ABLIM1: variants seen among roughly 807,000 people sequenced by gnomAD.
The protein encoded by ABLIM1 is actin binding LIM protein 1, also known as actin-binding LIM protein 1.
Under a neutral mutation model 107.0 loss-of-function variants are expected in ABLIM1, and 40 were observed. That is an observed-to-expected ratio of 0.37 (90% CI 0.29 to 0.49). The LOEUF (loss-of-function observed/expected upper bound fraction) is 0.49. Among genes scored for constraint, ABLIM1 ranks in the 20% least tolerant of loss-of-function variants. ABLIM1 has a pLI of 0.97. For missense variants in ABLIM1, 857 were observed against 1,008.5 expected, an observed-to-expected ratio of 0.85 and a Z score of 2.04; for synonymous variants, 357 against 357.3, an observed-to-expected ratio of 1.00 and a Z score of 0.01.
At chr10:114,690,199 T>C in intron 1 of ABLIM1, 2 of 1,418,454 alleles carry the variant, frequency 1.4e-6, no homozygotes, top group Admixed American at 1.7e-5. Flanking sequence ...TTTCCATTCC[T>C]GGACCCAAAG....
In ABLIM1 at chr10:114,437,892, G is replaced by A; in HGVS notation, c.2175C>T (p.Asn725=). The change falls in exon 22 of 23, where the codon AAC becomes AAT. Residue 725 remains asparagine (N), a synonymous_variant. Coordinates refer to ENST00000533213, the MANE Select transcript of ABLIM1 (RefSeq NM_002313.7). ...IFPYEMLMVT[N]RGRNKILREV... is the part of the protein sequence containing the mutation. ...CTCTGAGGATTTTGTTTCGCCCTCT[G>A]TTGGTCACCATGAGCATTTCATATG... The A allele has an allele frequency of 6.2e-7, 1 of 1,614,084 alleles. No homozygotes were observed. The highest frequency in any genetic ancestry group is 8.5e-7 in the Non-Finnish European group (1 of 1,180,006).
intron 19 of ABLIM1, 112 bp downstream of exon 19, chr10:114,440,905 T>C (rs1008742808): frequency 1.9e-6 from 2 of 1,055,948 alleles, no homozygotes; most frequent in African/African-American, 3.1e-5. Context: ...ACAGATGTGA[T>C]CCTACTCTAA....
chr10:114,578,039 C>T (rs1477624288), intron 2 of ABLIM1, among the ~76,000 whole-genome samples: 1 of 152,172 alleles, frequency 6.6e-6, no homozygotes, highest in Non-Finnish European at 1.5e-5. Context: ...GTCTCAGTGG[C>T]CAGGCCCCTA....
intron 18 of ABLIM1, 117 bp from the exon 19 acceptor site, chr10:114,441,194 C>A (rs927895684): frequency 7.9e-6 from 9 of 1,133,970 alleles, no homozygotes; most frequent in Non-Finnish European, 1.1e-5. Context: ...AAATGTCAGA[C>A]CTTCATTTTT....
At chr10:114,587,536 A>G (rs2074328257) in intron 2 of ABLIM1, among the ~76,000 whole-genome samples, 1 of 152,192 alleles carries the variant, frequency 6.6e-6, no homozygotes, top group Non-Finnish European at 1.5e-5. Context: ...TTGAAAGGGA[A>G]TAATGTTATT....
intron 6 of ABLIM1, among the ~76,000 whole-genome samples, chr10:114,537,121 G>A (rs2066125028): frequency 6.6e-6 from 1 of 152,036 alleles, no homozygotes; most frequent in Non-Finnish European, 1.5e-5. Context: ...TTATATCAAG[G>A]GGCAAATTAT....
At chr10:114,776,186 T>G in the ABLIM1 span, 1 of 151,902 alleles carries the variant, frequency 6.6e-6, no homozygotes. Flanking sequence ...TAGCGACATC[T>G]TTTTCTTTTT....
intron 8 of ABLIM1, among the ~76,000 whole-genome samples, chr10:114,484,920 T>C (rs1247556146): frequency 1.3e-5 from 2 of 152,188 alleles, no homozygotes; most frequent in African/African-American, 4.8e-5. Context: ...CTGGGATGGG[T>C]TTCTGTACCA....
At chr10:114,658,402 A>G (rs999773891), upstream of ABLIM1, 2 of 963,974 alleles carry the variant, frequency 2.1e-6, no homozygotes, top group African/African-American at 1.6e-5. Flanking sequence ...TAGGTATAAA[A>G]ACAGCCACTA....
chr10:114,680,472 T>C (rs1246442109), intron 1 of ABLIM1, among the ~76,000 whole-genome samples: 3 of 152,228 alleles, frequency 2.0e-5, no homozygotes, highest in Non-Finnish European at 4.4e-5. Flanking sequence ...TTAAAATCAC[T>C]TTGAAATTTA....
intron 1 of ABLIM1, among the ~76,000 whole-genome samples, chr10:114,645,935 T>A (rs2078993945): frequency 6.6e-6 from 1 of 152,222 alleles, no homozygotes; most frequent in African/African-American, 2.4e-5. Flanking sequence ...TTACATGGGC[T>A]CTCTTTTTAC....
chr10:114,436,269 T>G lies in ABLIM1; in HGVS notation c.2328A>C (p.Lys776Asn). ...WRRNDMKKKAKLF is the reference protein window; with the variant it reads ...WRRNDMKKKANLF The stretch of plus-strand genomic sequence containing the variant: ...CATTCACGAGTGGGACTTAGAAGAG[T>G]TTTGCTTTTTTCTTCATGTCGTTGC... Residue 776 changes from lysine to asparagine, a missense_variant, in exon 23 of 23, where the codon AAA becomes AAC. Around this residue, in one of 5 missense-constraint regions of ABLIM1, gnomAD observed 193 missense variants for 208.5 expected, o/e 0.93. Transcript: ENST00000533213. 6.2e-7 allele frequency: 1 copy of G among 1,612,386 alleles called. No individual in the cohort carries two copies. The highest frequency in any genetic ancestry group is 8.5e-7 in the Non-Finnish European group (1 of 1,178,860).
rs1309142942 is a variant in ABLIM1 at position 114,465,740 on chromosome 10, T to TGTA, written c.1396_1398dup (p.Tyr466dup). 6.2e-7 allele frequency: 1 copy of TGTA among 1,613,830 alleles called. No individual in the cohort carries two copies. Among genetic ancestry groups the TGTA allele is most frequent in the Non-Finnish European group, 8.5e-7 (1 of 1,180,000 alleles). On this transcript the variant is annotated inframe_insertion, in exon 12 of 23. Transcript: ENST00000533213. ...TGGGGAGAGCGGGACGTGGTTGGAG[T>TGTA]GTAGCTGTGGCGGCTGTACACAGGG...
chr10:114,713,845 C>T (rs1016985867), intron 1 of ABLIM1, among the ~76,000 whole-genome samples: 4 of 152,202 alleles, frequency 2.6e-5, no homozygotes, highest in African/African-American at 7.2e-5. Flanking sequence ...TAGAGAACAT[C>T]GTGCCTCCTC....
the ABLIM1 span, among the ~76,000 whole-genome samples, chr10:114,773,970 C>A: frequency 2.0e-5 from 3 of 151,338 alleles, no homozygotes; most frequent in East Asian, 3.9e-4. Flanking sequence ...ATAAATCCAA[C>A]TAAATATCAA....
chr10:114,451,742 A>C, intron 13 of ABLIM1, 71 bp from the exon 14 acceptor site: 1 of 1,296,210 alleles, frequency 7.7e-7, no homozygotes. Flanking sequence ...AGATCAACCA[A>C]GGGGCAAATC....
At chr10:114,463,506 A>C (rs879545262) in intron 12 of ABLIM1, among the ~76,000 whole-genome samples, 1 of 152,194 alleles carries the variant, frequency 6.6e-6, no homozygotes, top group African/African-American at 2.4e-5. Flanking sequence ...AGCACCTGAC[A>C]CAACAGAACC....
At chr10:114,671,678 T>C (rs543743861) in intron 1 of ABLIM1, among the ~76,000 whole-genome samples, 1 of 152,370 alleles carries the variant, frequency 6.6e-6, no homozygotes, top group South Asian at 2.1e-4. Context: ...TATAAAAGTT[T>C]GTAAATAAAG....
intron 1 of ABLIM1, among the ~76,000 whole-genome samples, chr10:114,640,000 G>A (rs1292009482): frequency 2.6e-5 from 4 of 152,108 alleles, no homozygotes; most frequent in South Asian, 2.1e-4. Flanking sequence ...TTGAATGCAC[G>A]GAGAAGGCAA....
Sources: gnomAD v4.1 joint callset for allele counts (sites outside exome capture counted in the v4.1 genomes callset) on GRCh38, gnomAD v4.1.1 for gene constraint, gnomAD v4.1.1 regional missense constraint, MANE v1.5 for transcripts, NCBI Gene and HGNC (gene_info 2026-07-23, HGNC 2026-07-21) for gene names.